The following STAU2 variants were observed in gnomAD, a reference collection of about 807,000 sequenced individuals.
STAU2 encodes the protein double-stranded RNA-binding protein Staufen homolog 2.
STAU2 carries 20 observed loss-of-function variants against 65.9 expected under a neutral mutation model. The ratio of observed to expected loss-of-function variants is 0.30; its 90% CI spans 0.21 to 0.44. The LOEUF (loss-of-function observed/expected upper bound fraction) is 0.44. Ranked by LOEUF, STAU2 falls within the 20% of genes least tolerant of loss-of-function variation. The pLI, the probability that STAU2 is intolerant of heterozygous loss-of-function variation, is 1.00. For missense variants in STAU2, 558 were observed against 683.9 expected (o/e 0.82, Z 2.05); for synonymous variants, 232 against 233.9 (o/e 0.99, Z 0.07).
At chr8:73,688,005 C>G (rs1260065731) in intron 5 of STAU2, among the ~76,000 whole-genome samples, 1 of 151,374 alleles carries the variant, frequency 6.6e-6, no homozygotes, top group African/African-American at 2.4e-5. Flanking sequence ...TGAGCCACCG[C>G]GCCCGGCCTA....
chr8:73,583,566 T>C (rs1161833341), intron 11 of STAU2, among the ~76,000 whole-genome samples: 1 of 152,062 alleles, frequency 6.6e-6, no homozygotes, highest in Non-Finnish European at 1.5e-5. Flanking sequence ...AACATTTCTG[T>C]AGACAAAAAT....
intron 3 of STAU2, among the ~76,000 whole-genome samples, chr8:73,719,270 T>C (rs554734255): frequency 1.3e-5 from 2 of 152,026 alleles, no homozygotes; most frequent in East Asian, 3.9e-4. Context: ...CCAGACATAG[T>C]GGCGGGTGTC....
rs575931178 is a variant in STAU2 at position 73,447,106 on chromosome 8, C to T, written c.1531-24404G>A. Among the ~76,000 whole-genome samples, 221 of 152,132 alleles carry T rather than the reference C, an allele frequency of 1.5e-3. 1 individual carries two copies. The highest frequency in any genetic ancestry group is 5.0e-3 in the African/African-American group (207 of 41,516). ...ACACAGAGGCATGTGCTGCCACGTC[C>T]GGCTAATTTTTGTATTTTCAGTAGA... is the stretch of plus-strand genomic sequence containing the variant. On this transcript the variant is annotated intron_variant, in intron 13 of 14. Coordinates refer to ENST00000524300, the MANE Select transcript of STAU2 (RefSeq NM_001164380.2).
chr8:73,422,785 G>GACAGAAAC, intron 13 of STAU2, 83 bp from the exon 14 acceptor site: 1 of 1,025,382 alleles, frequency 9.8e-7, no homozygotes, highest in South Asian at 2.2e-5. Flanking sequence ...GAGATAGAAA[G>GACAGAAAC]ACTCATTTTC....
chr8:73,444,019 C>T (rs1292143122), intron 13 of STAU2, among the ~76,000 whole-genome samples: 1 of 152,116 alleles, frequency 6.6e-6, no homozygotes, highest in Non-Finnish European at 1.5e-5. Flanking sequence ...CATGTTGTGA[C>T]TCTGCTCTCC....
At chr8:73,607,392 T>C (rs1223537918) in intron 9 of STAU2, among the ~76,000 whole-genome samples, 1 of 152,148 alleles carries the variant, frequency 6.6e-6, no homozygotes, top group Non-Finnish European at 1.5e-5. Flanking sequence ...TTTTAACTTA[T>C]ACACAAGTTT....
chr8:73,598,225 A>AT (rs1811343452), intron 10 of STAU2, among the ~76,000 whole-genome samples: 1 of 143,202 alleles, frequency 7.0e-6, no homozygotes, highest in African/African-American at 2.6e-5. Context: ...AAAGAAGAAA[A>AT]CTTTTTTTTT....
intron 13 of STAU2, among the ~76,000 whole-genome samples, chr8:73,449,238 G>C (rs1234743888): frequency 6.6e-6 from 1 of 152,232 alleles, no homozygotes; most frequent in Non-Finnish European, 1.5e-5. Context: ...ACAGCAGCCA[G>C]TTCTCCCTGG....
chr8:73,461,356 CAA>C (rs925187417), intron 13 of STAU2, among the ~76,000 whole-genome samples: 1 of 152,048 alleles, frequency 6.6e-6, no homozygotes, highest in Non-Finnish European at 1.5e-5. Flanking sequence ...GGGCTAGTTT[CAA>C]AGGAGTAATA....
At chr8:73,486,567 G>A (rs566575382) in intron 13 of STAU2, among the ~76,000 whole-genome samples, 5 of 149,716 alleles carry the variant, frequency 3.3e-5, no homozygotes, top group Non-Finnish European at 4.4e-5. Context: ...AAACATGACC[G>A]CTAATTTTAG....
chr8:73,617,291 C>T lies in STAU2; in HGVS notation c.570+1G>A. 6.2e-7 allele frequency: 1 copy of T among 1,613,884 alleles called. No homozygotes were observed. ...GACTGTCACATGCAGCAGCACCACACCTGAGGAGATCTTTCTGGAATAGGT... is the reference window on the plus strand; with the variant it reads ...GACTGTCACATGCAGCAGCACCACATCTGAGGAGATCTTTCTGGAATAGGT... On this transcript the variant is annotated splice_donor_variant, in intron 7 of 14. Transcript: ENST00000524300. LOFTEE classifies it high-confidence loss of function.
rs115444564 is a variant in STAU2 at position 73,587,550 on chromosome 8, G to A, written c.1162-4720C>T. Among the ~76,000 whole-genome samples, 1,098 of 152,170 alleles carry A rather than the reference G, an allele frequency of 7.2e-3. 10 individuals are homozygous for A. The highest frequency in any genetic ancestry group is 0.025 in the African/African-American group (1,039 of 41,522). On this transcript the variant is annotated intron_variant, in intron 11 of 14. Transcript: ENST00000524300. ...GTAGGGTGTACGTTGGGAAAGGAAC[G>A]AAAAAAACTGCATGATGTGCTTGAC... is the stretch of plus-strand genomic sequence containing the variant.
intron 12 of STAU2, among the ~76,000 whole-genome samples, chr8:73,556,117 TATG>T (rs1209181681): frequency 1.1e-4 from 16 of 152,340 alleles, no homozygotes; most frequent in African/African-American, 3.6e-4. Context: ...AGGAATAAAA[TATG>T]ATCCTGTCAC....
Position 73,688,629 on chromosome 8 carries a change from A to G in STAU2, c.274+25T>C, listed in dbSNP as rs199607115. On this transcript the variant is annotated intron_variant, in intron 5 of 14. Transcript: ENST00000524300. The stretch of plus-strand genomic sequence containing the variant: ...AAGCAGAACACACATAGCAGACAAC[A>G]TAACAGAAGGAGTCACTGCCATACC... 35 of 1,613,762 alleles carry G rather than the reference A, an allele frequency of 2.2e-5. No individual in the cohort carries two copies. In the Admixed American group the frequency reaches 5.2e-4, roughly 24 times the overall value.
Position 73,688,028 on chromosome 8 carries a change from T to TA in STAU2, c.274+625dup, listed in dbSNP as rs144490442. Among the ~76,000 whole-genome samples the TA allele has an allele frequency of 6.3e-3, 919 of 146,216 alleles. 12 individuals carry two copies. Among genetic ancestry groups the TA allele is most frequent in the African/African-American group, 0.019 (759 of 40,012 alleles). The stretch of plus-strand genomic sequence containing the variant: ...CGCGCCCGGCCTACTATCTTTACTT[T>TA]AAAAAAAAAAAACTCAGTCAAATTT... On this transcript the variant is annotated intron_variant, in intron 5 of 14. Coordinates refer to ENST00000524300, the MANE Select transcript of STAU2 (RefSeq NM_001164380.2).
intron 10 of STAU2, among the ~76,000 whole-genome samples, chr8:73,602,740 A>C (rs1563451004): frequency 6.6e-6 from 1 of 151,970 alleles, no homozygotes. Flanking sequence ...AAAAAAAAAA[A>C]AAACAAAAAA....
chr8:73,550,991 G>A (rs1193811558), intron 13 of STAU2: 2 of 985,962 alleles, frequency 2.0e-6, no homozygotes, highest in African/African-American at 3.5e-5. Context: ...ATTTCTAAAG[G>A]ATATTACAGT....
At chr8:73,547,975 T>C (rs1807056789) in intron 13 of STAU2, among the ~76,000 whole-genome samples, 1 of 147,354 alleles carries the variant, frequency 6.8e-6, no homozygotes, top group African/African-American at 2.5e-5. Context: ...TTATATTAGG[T>C]ATTATAAGGC....
intron 13 of STAU2, among the ~76,000 whole-genome samples, chr8:73,445,316 C>A (rs974612620): frequency 1.2e-4 from 18 of 152,102 alleles, no homozygotes; most frequent in African/African-American, 3.9e-4. Context: ...GAAGAGATGG[C>A]GGCAGCAGTC....
Sources: allele counts gnomAD v4.1 joint callset (sites outside exome capture counted in the v4.1 genomes callset), GRCh38; gene constraint gnomAD v4.1.1; transcripts MANE v1.5; gene names NCBI Gene and HGNC (gene_info 2026-07-23, HGNC 2026-07-21).